The following ALDOA variants were observed in gnomAD, a reference collection of about 807,000 sequenced individuals.
The protein encoded by ALDOA is aldolase, fructose-bisphosphate A, also known as fructose-bisphosphate aldolase A.
Under a neutral mutation model 43.9 loss-of-function variants are expected in ALDOA, and 26 were observed. The ratio of observed to expected loss-of-function variants is 0.59; its 90% CI spans 0.43 to 0.82. The LOEUF (loss-of-function observed/expected upper bound fraction) is 0.82. ALDOA is among the 40% of genes least tolerant of loss of function. The pLI, the probability that ALDOA is intolerant of heterozygous loss-of-function variation, is 0.00. For synonymous variants in ALDOA, 258 were observed against 222.6 expected (o/e 1.16, Z -1.42); for missense variants, 498 against 549.5 (o/e 0.91, Z 0.94).
rs2072284198 is a variant in ALDOA, at chr16:30,070,332, CAG to C, written c.*121_*122del. 4 of 904,496 alleles carry C rather than the reference CAG, an allele frequency of 4.4e-6. No individual in the cohort carries two copies. Among genetic ancestry groups the C allele is most frequent in the South Asian group, 1.4e-5 (1 of 72,360 alleles). The allele number at this position is 904,496 out of a possible 1,614,324, so 56.0% of individuals were successfully genotyped here. ...GCCCGCGCTCTTTCTTCCCTCGTGA[CAG>C]TGGTGTGTGGTGTCGTCTGTGAATG... On this transcript the variant is annotated 3_prime_UTR_variant, in exon 10 of 10. Transcript: ENST00000642816.
Position 30,067,234 on chromosome 16 carries a change from G to A in ALDOA, c.142G>A (p.Glu48Lys), listed in dbSNP as rs555628582. 9 of 1,612,184 alleles carry A rather than the reference G, an allele frequency of 5.6e-6. 1 individual carries two copies. The South Asian group carries it at 7.7e-5, about 14-fold the overall frequency. Residue 48 changes from glutamate to lysine, a missense_variant and splice_region_variant, in exon 3 of 10, where the codon GAA becomes AAA. Glu to Lys is a moderately conservative substitution (Grantham distance 56). Coordinates refer to ENST00000642816, the MANE Select transcript of ALDOA (RefSeq NM_001243177.4). ...NTQHQTELGK[E>K]LATTSTMPYQ... ...CTTCCCCTCTGTTTCCTGTATCCAGGAACTTGCTACTACCAGCACCATGCC... is the reference window on the plus strand; with the variant it reads ...CTTCCCCTCTGTTTCCTGTATCCAGAAACTTGCTACTACCAGCACCATGCC...
intron 6 of ALDOA, 117 bp from the exon 7 acceptor site, chr16:30,069,189 T>C (rs1302853497): frequency 1.4e-6 from 2 of 1,380,982 alleles, no homozygotes; most frequent in South Asian, 1.2e-5. Flanking sequence ...ATCTGAGGGC[T>C]TTGAAGCCTG....
Position 30,069,858 on chromosome 16 carries a change from TGAG to T in ALDOA, c.998_1000del (p.Glu333del). On this transcript the variant is annotated inframe_deletion, in exon 9 of 10. Transcript: ENST00000642816. ...TCACCTTCCTGTCTGGAGGCCAGAG[TGAG>T]GAGGAGGCGTCCATCAACCTCAATG... 1.2e-6 allele frequency: 2 copies of T among 1,613,726 alleles called. No homozygotes were observed. The highest frequency in any genetic ancestry group is 1.7e-6 in the Non-Finnish European group (2 of 1,179,934).
Position 30,066,875 on chromosome 16 carries a change from T to C in ALDOA, c.-13-10T>C. The stretch of plus-strand genomic sequence containing the variant: ...CATTCTAAAATACTCCGGTTCGGTT[T>C]TGTTTTCAGGCAAGGTGACCCCATG... On this transcript the variant is annotated splice_polypyrimidine_tract_variant and intron_variant, in intron 1 of 9. Coordinates refer to ENST00000642816, the MANE Select transcript of ALDOA (RefSeq NM_001243177.4). The C allele has an allele frequency of 6.5e-7, 1 of 1,546,696 alleles. No homozygotes were observed. The highest frequency in any genetic ancestry group is 8.7e-7 in the Non-Finnish European group (1 of 1,144,854).
chr16:30,069,798 A>G, intron 8 of ALDOA, 32 bp from the exon 9 acceptor site: 1 of 1,613,762 alleles, frequency 6.2e-7, no homozygotes, highest in Non-Finnish European at 8.5e-7. Context: ...GTCTCTGACC[A>G]CAGCCCCTCT....
intron 5 of ALDOA, 41 bp from the exon 6 acceptor site, chr16:30,068,777 G>A: frequency 6.2e-7 from 1 of 1,614,172 alleles, no homozygotes; most frequent in Non-Finnish European, 8.5e-7. Flanking sequence ...GAAACCACAT[G>A]CCCCTCCCCA....
intron 6 of ALDOA, 134 bp downstream of exon 6, chr16:30,069,112 G>T: frequency 6.9e-7 from 1 of 1,445,290 alleles, no homozygotes; most frequent in Admixed American, 1.9e-5. Flanking sequence ...GACACTCAAG[G>T]GCTGTTGAAG....
rs768921360 is a variant in ALDOA, at chr16:30,070,143, G to A, written c.1188G>A (p.Lys396=). Residue 396 remains lysine, a synonymous_variant, in exon 10 of 10, where the codon AAG becomes AAA. Transcript: ENST00000642816. ...ALANSLACQG[K]YTPSGQAGAA... Reference sequence around the variant, plus strand: ...CCAACAGCCTTGCCTGTCAAGGAAAGTACACTCCGAGCGGTCAGGCTGGGG... The same window carrying A: ...CCAACAGCCTTGCCTGTCAAGGAAAATACACTCCGAGCGGTCAGGCTGGGG... 1.2e-6 allele frequency: 2 copies of A among 1,614,130 alleles called. No homozygotes were observed. Among genetic ancestry groups the A allele is most frequent in the South Asian group, 2.2e-5 (2 of 91,088 alleles).
chr16:30,069,407 T>C lies in ALDOA; in HGVS notation c.786+18T>C. 6.2e-7 allele frequency: 1 copy of C among 1,614,050 alleles called. No homozygotes were observed. The highest frequency in any genetic ancestry group is 1.3e-5 in the African/African-American group (1 of 75,036). On this transcript the variant is annotated intron_variant, in intron 7 of 9. Coordinates refer to ENST00000642816, the MANE Select transcript of ALDOA (RefSeq NM_001243177.4). ...CCGAGAAGGTAAATGGCTACCTGCCTGACCAGTGCAAGGTGGCTGGCCGGG... is the reference window on the plus strand; with the variant it reads ...CCGAGAAGGTAAATGGCTACCTGCCCGACCAGTGCAAGGTGGCTGGCCGGG...
Position 30,069,595 on chromosome 16 carries a change from A to C in ALDOA, c.883A>C (p.Thr295Pro). The C allele has an allele frequency of 6.2e-7, 1 of 1,614,050 alleles. No homozygotes were observed. The highest frequency in any genetic ancestry group is 8.5e-7 in the Non-Finnish European group (1 of 1,180,036). ...CATGGTCACCCCAGGCCATGCTTGC[A>C]CTCAGAAGTTTTCTCATGAGGAGAT... ...PNMVTPGHAC[T>P]QKFSHEEIAM... Residue 295 changes from threonine (T) to proline (P), a missense_variant, in exon 8 of 10, where the codon ACT becomes CCT. Coordinates refer to ENST00000642816, the MANE Select transcript of ALDOA (RefSeq NM_001243177.4).
At chr16:30,069,107 T>G (rs1178801958) in intron 6 of ALDOA, 129 bp downstream of exon 6, 1 of 1,471,064 alleles carries the variant, frequency 6.8e-7, no homozygotes, top group East Asian at 2.3e-5. Context: ...TGGAGGACAC[T>G]CAAGGGCTGT....
At chr16:30,065,642 G>A (rs2072071207), upstream of ALDOA, 1 of 152,172 alleles carries the variant, frequency 6.6e-6, no homozygotes, top group South Asian at 2.0e-4. Flanking sequence ...CGCCTCTCGG[G>A]GGCGGCCCGT....
chr16:30,065,141 G>A (rs1254751759), upstream of ALDOA, among the ~76,000 whole-genome samples: 4 of 152,224 alleles, frequency 2.6e-5, no homozygotes, highest in African/African-American at 9.6e-5. Context: ...ACTCGGATGG[G>A]GAGGTCTCGC....
Position 30,067,238 on chromosome 16 carries a change from TTGCTACTACCAGCACCA to T in ALDOA, c.150_166del (p.Thr51LeufsTer16). 1 of 1,612,202 alleles carries T rather than the reference TTGCTACTACCAGCACCA, an allele frequency of 6.2e-7. No homozygotes were observed. On this transcript the variant is annotated frameshift_variant, in exon 3 of 10. Coordinates refer to ENST00000642816, the MANE Select transcript of ALDOA (RefSeq NM_001243177.4). LOFTEE classifies it high-confidence loss of function. The stretch of plus-strand genomic sequence containing the variant: ...CCCTCTGTTTCCTGTATCCAGGAAC[TTGCTACTACCAGCACCA>T]TGCCCTACCAATATCCAGCACTGAC...
upstream of ALDOA, among the ~76,000 whole-genome samples, chr16:30,065,176 C>T (rs922417549): frequency 2.0e-5 from 3 of 152,226 alleles, no homozygotes; most frequent in African/African-American, 4.8e-5. Context: ...AGTTCCGCCG[C>T]CTTCTCGCGC....
chr16:30,066,316 G>GCCCCC (rs2072102115), intron 1 of ALDOA: 1 of 152,508 alleles, frequency 6.6e-6, no homozygotes, highest in East Asian at 1.9e-4. Context: ...GGGAAACGGG[G>GCCCCC]CGCCCTTCGC....
At position 30,068,814 on chromosome 16, in the gene ALDOA, T is replaced by C. The variant is rs976259441; in HGVS notation, c.542-4T>C. The C allele has an allele frequency of 6.2e-7, 1 of 1,614,038 alleles. No individual in the cohort carries two copies. Among genetic ancestry groups the C allele is most frequent in the African/African-American group, 1.3e-5 (1 of 74,910 alleles). ...CGTGCTCTGACCCCTTCCTCTTCTC[T>C]TAGGGTTGGATGGGCTGTCTGAGCG... On this transcript the variant is annotated splice_region_variant and splice_polypyrimidine_tract_variant and intron_variant, in intron 5 of 9. Coordinates refer to ENST00000642816, the MANE Select transcript of ALDOA (RefSeq NM_001243177.4).
intron 1 of ALDOA, 29 bp from the exon 2 acceptor site, chr16:30,066,856 A>G (rs1160682937): frequency 6.5e-7 from 1 of 1,541,992 alleles, no homozygotes; most frequent in Non-Finnish European, 8.8e-7. Flanking sequence ...TTTACATTCT[A>G]AAATACTCCG....
intron 4 of ALDOA, 163 bp from the exon 5 acceptor site, chr16:30,068,483 C>T (rs538807329): frequency 3.7e-5 from 29 of 774,440 alleles, no homozygotes; most frequent in South Asian, 1.5e-4. Context: ...AAGAGGGGCA[C>T]GCCCAGCTAC....
Sources: allele counts gnomAD v4.1 joint callset (sites outside exome capture counted in the v4.1 genomes callset), GRCh38; gene constraint gnomAD v4.1.1; transcripts MANE v1.5; gene names NCBI Gene and HGNC (gene_info 2026-07-23, HGNC 2026-07-21).